DPH6: variants seen among roughly 807,000 people sequenced by gnomAD.
The protein encoded by DPH6 is diphthine--ammonia ligase.
In DPH6, 33 loss-of-function variants were observed where a neutral mutation model predicts 38.2. The observed-to-expected ratio is 0.86, with a 90% CI of 0.65 to 1.15. DPH6 has a LOEUF of 1.15. DPH6 is among the 50% of genes most tolerant of loss of function. The probability of loss-of-function intolerance (pLI) is 0.00; values close to 1 mark genes in which losing one functional copy is unlikely to be tolerated. For missense variants in DPH6, 325 were observed against 320.0 expected, an observed-to-expected ratio of 1.02 and a Z score of -0.12; for synonymous variants, 108 against 103.0, an observed-to-expected ratio of 1.05 and a Z score of -0.30.
intron 3 of DPH6, among the ~76,000 whole-genome samples, chr15:35,358,929 T>A (rs890607547): frequency 6.6e-6 from 1 of 152,012 alleles, no homozygotes; most frequent in Non-Finnish European, 1.5e-5. Flanking sequence ...TAGTGGTGGG[T>A]AGGGCCCTAG....
chr15:35,424,879 T>C (rs1351083051), intron 5 of DPH6, among the ~76,000 whole-genome samples: 1 of 151,648 alleles, frequency 6.6e-6, no homozygotes. Context: ...TAGAAAAAGC[T>C]GTCCTTTGAC....
chr15:35,180,983 T>C, the DPH6 span, among the ~76,000 whole-genome samples: 1 of 152,224 alleles, frequency 6.6e-6, no homozygotes, highest in Non-Finnish European at 1.5e-5. Context: ...AAATAATGAA[T>C]GTAGCTGTGT....
intron 3 of DPH6, among the ~76,000 whole-genome samples, chr15:35,510,146 G>A (rs1316832600): frequency 1.3e-5 from 2 of 152,186 alleles, no homozygotes; most frequent in Non-Finnish European, 2.9e-5. Flanking sequence ...TCAGTAGGTT[G>A]AGGCTGCAGT....
downstream of DPH6, among the ~76,000 whole-genome samples, chr15:35,217,056 T>C (rs137981706): frequency 3.5e-3 from 528 of 152,348 alleles, 2 homozygotes; most frequent in African/African-American, 0.012. Flanking sequence ...CATGGAATCA[T>C]CAGTGATATT....
intron 3 of DPH6, among the ~76,000 whole-genome samples, chr15:35,466,083 C>A (rs2054122504): frequency 6.6e-6 from 1 of 152,140 alleles, no homozygotes; most frequent in African/African-American, 2.4e-5. Flanking sequence ...CACCTTCACA[C>A]CCAGCTACTC....
chr15:35,541,792 C>T (rs2055256974), intron 2 of DPH6, among the ~76,000 whole-genome samples: 1 of 151,840 alleles, frequency 6.6e-6, no homozygotes, highest in African/African-American at 2.4e-5. Context: ...TTTTCAAAAG[C>T]TATAATTGGG....
chr15:35,337,671 G>GA (rs1450184877), intron 3 of DPH6, among the ~76,000 whole-genome samples: 7 of 152,062 alleles, frequency 4.6e-5, no homozygotes, highest in Admixed American at 3.3e-4. Flanking sequence ...CACAGAATTG[G>GA]AAAAAACTAC....
At chr15:35,373,461 A>T in intron 8 of DPH6, 60 bp downstream of exon 8, 1 of 1,426,652 alleles carries the variant, frequency 7.0e-7, no homozygotes, top group Non-Finnish European at 9.5e-7. Context: ...TATATATGCA[A>T]AGCCAATGTA....
At chr15:35,537,668 G>A (rs955074229) in intron 3 of DPH6, among the ~76,000 whole-genome samples, 10 of 152,146 alleles carry the variant, frequency 6.6e-5, no homozygotes, top group Admixed American at 5.2e-4. Context: ...ATTTAAGCAA[G>A]GCTCAGTCTC....
intron 3 of DPH6, among the ~76,000 whole-genome samples, chr15:35,290,474 T>C (rs1041558811): frequency 1.3e-5 from 2 of 152,140 alleles, no homozygotes; most frequent in Admixed American, 6.5e-5. Context: ...TGAAAGAACA[T>C]GTCAGAGGAG....
chr15:35,260,885 T>C (rs895395951), intron 3 of DPH6, among the ~76,000 whole-genome samples: 1 of 152,218 alleles, frequency 6.6e-6, no homozygotes, highest in Non-Finnish European at 1.5e-5. Context: ...TCTAGGATTC[T>C]GGAAAAATTG....
At chr15:35,332,061 C>G (rs191447905) in intron 3 of DPH6, among the ~76,000 whole-genome samples, 138 of 152,242 alleles carry the variant, frequency 9.1e-4, no homozygotes, top group South Asian at 1.9e-3. Context: ...CTCCAGATGC[C>G]AAGTCAGCTA....
chr15:35,183,878 C>G, the DPH6 span, among the ~76,000 whole-genome samples: 1 of 152,166 alleles, frequency 6.6e-6, no homozygotes, highest in Non-Finnish European at 1.5e-5. Flanking sequence ...CTATATATGT[C>G]AATATTAGCA....
intron 3 of DPH6, among the ~76,000 whole-genome samples, chr15:35,359,436 A>G (rs2052594947): frequency 6.6e-6 from 1 of 152,122 alleles, no homozygotes; most frequent in Admixed American, 6.5e-5. Context: ...AAGTTCAGCT[A>G]GAGATTTGCT....
rs887373092 is a variant in DPH6, at chr15:35,521,168, G to T, written c.312+17106C>A. The T allele has an allele frequency of 5.1e-6, 5 of 985,116 alleles. No homozygotes were observed. The African/African-American group carries it at 8.7e-5, about 17-fold the overall frequency. 61.0% of individuals were successfully genotyped at this position (985,116 alleles called of 1,614,324 possible). A position where few individuals can be genotyped will look rare whatever the true frequency, so the allele number is the denominator to read the frequency against. ...TGAGGCTTTACTTTTTAACTGAAAT[G>T]CTACTTGAGTATTGCTCCCTTAAAT... On this transcript the variant is annotated intron_variant, in intron 3 of 8. Transcript: ENST00000256538.
chr15:35,503,290 A>G (rs1201062689), intron 3 of DPH6, among the ~76,000 whole-genome samples: 1 of 152,072 alleles, frequency 6.6e-6, no homozygotes, highest in Non-Finnish European at 1.5e-5. Context: ...TTACATTTCA[A>G]TTTAACTGAA....
chr15:35,488,373 A>G (rs916951380), intron 3 of DPH6, among the ~76,000 whole-genome samples: 11 of 152,204 alleles, frequency 7.2e-5, no homozygotes, highest in African/African-American at 2.7e-4. Flanking sequence ...TACATAAGAC[A>G]TGGTAATTTA....
At chr15:35,336,138 A>G (rs2052369959) in intron 3 of DPH6, among the ~76,000 whole-genome samples, 1 of 152,078 alleles carries the variant, frequency 6.6e-6, no homozygotes, top group South Asian at 2.1e-4. Flanking sequence ...TTTTTGTAGC[A>G]ATTGTGAATG....
intron 3 of DPH6, among the ~76,000 whole-genome samples, chr15:35,517,361 T>G (rs1040140438): frequency 2.0e-5 from 3 of 152,266 alleles, no homozygotes; most frequent in Admixed American, 6.5e-5. Flanking sequence ...TAATGTAATC[T>G]ACATTTATCA....
Sources: allele counts gnomAD v4.1 joint callset (sites outside exome capture counted in the v4.1 genomes callset), GRCh38; gene constraint gnomAD v4.1.1; transcripts MANE v1.5; gene names NCBI Gene and HGNC (gene_info 2026-07-23, HGNC 2026-07-21).